BZW2: variants seen among roughly 807,000 people sequenced by gnomAD.
The protein encoded by BZW2 is eIF5-mimic protein 1.
In BZW2, 23 loss-of-function variants were observed where a neutral mutation model predicts 53.2. The ratio of observed to expected loss-of-function variants is 0.43; its 90% confidence interval spans 0.31 to 0.61. The LOEUF (loss-of-function observed/expected upper bound fraction) is 0.61, where lower values mean the gene tolerates loss of function less well. BZW2 is among the 20% of genes least tolerant of loss of function. The pLI is 0.09. For synonymous variants in BZW2, 227 were observed against 186.4 expected (o/e 1.22, Z -1.77); for missense variants, 409 against 503.1 (o/e 0.81, Z 1.79).
Position 16,694,997 on chromosome 7 carries a change from T to C in BZW2, c.815T>C (p.Ile272Thr). 6.3e-7 allele frequency: 1 copy of C among 1,575,424 alleles called. No individual in the cohort carries two copies. Among genetic ancestry groups the C allele is most frequent in the East Asian group, 2.3e-5 (1 of 44,048 alleles). The change falls in exon 8 of 12, where the codon ATC becomes ACC. Residue 272 changes from isoleucine (I) to threonine (T), a missense_variant. Physicochemically the swap from Ile to Thr is moderately conservative, Grantham distance 89. Coordinates refer to ENST00000258761, the MANE Select transcript of BZW2 (RefSeq NM_014038.3). ...GAGCGTCTTTCTCAGGAATGCCCGATCAAGGAGGTGGGAGACCACGGGCAG... is the reference window on the plus strand; with the variant it reads ...GAGCGTCTTTCTCAGGAATGCCCGACCAAGGAGGTGGGAGACCACGGGCAG... ...LQERLSQECP[I>T]KEVVLYVKEE...
intron 8 of BZW2, 90 bp from the exon 9 acceptor site, chr7:16,696,825 C>T (rs563057646): frequency 1.4e-6 from 2 of 1,384,938 alleles, no homozygotes; most frequent in East Asian, 2.3e-5. Context: ...TCTTAGCTGC[C>T]CCAAAACCTT....
intron 9 of BZW2, among the ~76,000 whole-genome samples, chr7:16,697,534 C>G (rs1243553985): frequency 6.6e-6 from 1 of 152,164 alleles, no homozygotes; most frequent in Non-Finnish European, 1.5e-5. Context: ...GTCCATGTTA[C>G]TTTGATCAGG....
chr7:16,666,725 A>C (rs1782439384), intron 2 of BZW2, among the ~76,000 whole-genome samples: 1 of 152,088 alleles, frequency 6.6e-6, no homozygotes, highest in African/African-American at 2.4e-5. Context: ...GCTGGAATAC[A>C]GTGGTGCCAT....
At chr7:16,665,308 G>T in intron 1 of BZW2, 129 bp from the exon 2 acceptor site, 1 of 899,652 alleles carries the variant, frequency 1.1e-6, no homozygotes. Context: ...TGTCTCAATT[G>T]AAAAAAAAAA....
chr7:16,652,129 C>T (rs1781996677), intron 1 of BZW2, among the ~76,000 whole-genome samples: 1 of 152,128 alleles, frequency 6.6e-6, no homozygotes, highest in African/African-American at 2.4e-5. Context: ...GAATGGAATT[C>T]CTGACCTCAG....
chr7:16,703,482 C>G (rs1287443452), intron 10 of BZW2, among the ~76,000 whole-genome samples: 1 of 151,760 alleles, frequency 6.6e-6, no homozygotes, highest in Non-Finnish European at 1.5e-5. Context: ...TAAATTGTTT[C>G]TGTCATTTTC....
chr7:16,683,045 A>AAAC (rs1345463660), intron 5 of BZW2, among the ~76,000 whole-genome samples, 200 bp downstream of exon 5: 19 of 151,964 alleles, frequency 1.3e-4, no homozygotes, highest in African/African-American at 3.9e-4. Flanking sequence ...AAAACACAAA[A>AAAC]ATTACCCGGG....
At chr7:16,650,206 G>C (rs1288625086) in intron 1 of BZW2, among the ~76,000 whole-genome samples, 2 of 152,192 alleles carry the variant, frequency 1.3e-5, no homozygotes, top group Non-Finnish European at 2.9e-5. Flanking sequence ...AAAGTAAAAG[G>C]TTGGTGGCAT....
At chr7:16,697,301 G>GGCATTCAA (rs1362329875) in intron 9 of BZW2, among the ~76,000 whole-genome samples, 1 of 152,084 alleles carries the variant, frequency 6.6e-6, no homozygotes, top group Non-Finnish European at 1.5e-5. Context: ...GTGTTGCCCA[G>GGCATTCAA]GCTGGTCTTG....
rs1490085198 is a variant in BZW2 at position 16,668,907 on chromosome 7, C to T, written c.58+3406C>T. On this transcript the variant is annotated intron_variant, in intron 2 of 11. Transcript: ENST00000258761. ...AAAGTAATTATGTTTTTTCCTGTGA[C>T]TTGTGAAAATCTGAAAAGATGAAAA... Among the ~76,000 whole-genome samples the T allele has an allele frequency of 5.3e-5, 8 of 152,214 alleles. No individual in the cohort carries two copies. The East Asian group carries it at 1.4e-3, about 26-fold the overall frequency.
At chr7:16,681,194 T>C in intron 3 of BZW2, 107 bp from the exon 4 acceptor site, 1 of 858,164 alleles carries the variant, frequency 1.2e-6, no homozygotes, top group Non-Finnish European at 1.8e-6. Context: ...TCTTAGATTT[T>C]ACATCTACTT....
intron 10 of BZW2, among the ~76,000 whole-genome samples, chr7:16,704,302 C>A (rs1783765968): frequency 1.3e-5 from 2 of 152,192 alleles, no homozygotes; most frequent in African/African-American, 4.8e-5. Flanking sequence ...TAGTAGTGAG[C>A]TATAGGCTTG....
chr7:16,663,044 C>T (rs953940627), intron 1 of BZW2, among the ~76,000 whole-genome samples: 8 of 152,256 alleles, frequency 5.3e-5, no homozygotes, highest in Non-Finnish European at 1.0e-4. Flanking sequence ...TTGGCTGATT[C>T]AGAGTGAATC....
At chr7:16,685,866 T>C in intron 5 of BZW2, 39 bp from the exon 6 acceptor site, 1 of 1,484,550 alleles carries the variant, frequency 6.7e-7, no homozygotes, top group Non-Finnish European at 8.9e-7. Context: ...TTTTTTTTCT[T>C]TTTCTTTTTC....
intron 6 of BZW2, among the ~76,000 whole-genome samples, chr7:16,689,421 C>A (rs1446789828): frequency 6.6e-6 from 1 of 152,028 alleles, no homozygotes; most frequent in African/African-American, 2.4e-5. Flanking sequence ...AATTTACTTT[C>A]TTGTGCCTCA....
rs752147341 is a variant in BZW2, at chr7:16,685,860, T to G, written c.406-45T>G. 10 of 1,475,332 alleles carry G rather than the reference T, an allele frequency of 6.8e-6. No individual in the cohort carries two copies. The South Asian group carries it at 1.2e-4, about 18-fold the overall frequency. 91.4% of individuals were successfully genotyped at this position (1,475,332 alleles called of 1,614,324 possible). On this transcript the variant is annotated intron_variant, in intron 5 of 11. Coordinates refer to ENST00000258761, the MANE Select transcript of BZW2 (RefSeq NM_014038.3). ...TGCTTCATAGACATGGTTCCTTTTTTTTTCTTTTTCTTTTTCTTTTTTTTT... is the reference window on the plus strand; with the variant it reads ...TGCTTCATAGACATGGTTCCTTTTTGTTTCTTTTTCTTTTTCTTTTTTTTT...
At chr7:16,679,645 A>G (rs1290516505) in intron 3 of BZW2, among the ~76,000 whole-genome samples, 1 of 152,258 alleles carries the variant, frequency 6.6e-6, no homozygotes, top group Non-Finnish European at 1.5e-5. Context: ...TGAAATCACA[A>G]GTTAAATCAA....
At chr7:16,689,976 T>G (rs913243636) in intron 7 of BZW2, 70 bp downstream of exon 7, 1 of 1,162,270 alleles carries the variant, frequency 8.6e-7, no homozygotes, top group Non-Finnish European at 1.2e-6. Context: ...GCCTGCAATG[T>G]AGTATATGAG....
At chr7:16,691,789 A>G (rs115478846) in intron 7 of BZW2, among the ~76,000 whole-genome samples, 1 of 152,196 alleles carries the variant, frequency 6.6e-6, no homozygotes, top group African/African-American at 2.4e-5. Flanking sequence ...ATTCACAACT[A>G]TAGCCTGGTT....
Sources: allele counts gnomAD v4.1 joint callset (sites outside exome capture counted in the v4.1 genomes callset), GRCh38; gene constraint gnomAD v4.1.1; transcripts MANE v1.5; gene names NCBI Gene and HGNC (gene_info 2026-07-23, HGNC 2026-07-21).